Variants in TMEM131 observed in about 807,000 individuals in gnomAD.
The protein encoded by TMEM131 is transmembrane protein 131.
TMEM131 carries 66 observed loss-of-function variants against 211.6 expected under a neutral mutation model. The observed-to-expected ratio is 0.31, with a 90% CI of 0.26 to 0.38. TMEM131 has a LOEUF of 0.38. Among genes scored for constraint, TMEM131 ranks in the 10% least tolerant of loss-of-function variants. The probability of loss-of-function intolerance (pLI) is 1.00; values close to 1 mark genes in which losing one functional copy is unlikely to be tolerated. For missense variants in TMEM131, 2,036 were observed against 2,299.3 expected, an observed-to-expected ratio of 0.89 and a Z score of 2.34; for synonymous variants, 844 against 841.3, an observed-to-expected ratio of 1.00 and a Z score of -0.06.
At chr2:97,979,913 G>A (rs1444540341) in intron 1 of TMEM131, among the ~76,000 whole-genome samples, 1 of 152,128 alleles carries the variant, frequency 6.6e-6, no homozygotes, top group Non-Finnish European at 1.5e-5. Context: ...ATCATATCTA[G>A]CTTTTGATTT....
At chr2:97,793,131 C>G in intron 30 of TMEM131, 147 bp from the exon 31 acceptor site, 1 of 683,336 alleles carries the variant, frequency 1.5e-6, no homozygotes, top group Non-Finnish European at 2.4e-6. Flanking sequence ...TTCTACAACT[C>G]TCTAACATCT....
At chr2:97,940,860 G>C (rs1156286921) in intron 1 of TMEM131, among the ~76,000 whole-genome samples, 8 of 151,554 alleles carry the variant, frequency 5.3e-5, no homozygotes, top group East Asian at 1.9e-4. Context: ...CATGCTCATG[G>C]ATAGGAAGAA....
In TMEM131 at chr2:97,807,421, T is replaced by TTTA. The variant is rs1681358064; in HGVS notation, c.2056-1719_2056-1718insTAA. 2.0e-5 allele frequency among the ~76,000 whole-genome samples: 3 copies of TTTA among 152,238 alleles called. No individual in the cohort carries two copies. In the South Asian group the frequency reaches 6.2e-4, roughly 32 times the overall value. On this transcript the variant is annotated intron_variant, in intron 19 of 40. Coordinates refer to ENST00000186436, the MANE Select transcript of TMEM131 (RefSeq NM_015348.2). ...ATTAGTTCACACAACCACTGGTTGT[T>TTTA]AAAAAAGAGCCTGGCACCTCCCTCT...
intron 1 of TMEM131, among the ~76,000 whole-genome samples, chr2:97,939,516 A>G (rs1426319708): frequency 6.6e-6 from 1 of 152,240 alleles, no homozygotes; most frequent in African/African-American, 2.4e-5. Flanking sequence ...CAGGCTCTGA[A>G]ACTGAGGCAA....
intron 35 of TMEM131, among the ~76,000 whole-genome samples, chr2:97,765,531 C>G (rs1679117797): frequency 6.6e-6 from 1 of 152,164 alleles, no homozygotes; most frequent in Non-Finnish European, 1.5e-5. Context: ...TCTCTGTTGC[C>G]CCCTATTTCA....
At chr2:97,896,861 C>G (rs867871742) in intron 3 of TMEM131, among the ~76,000 whole-genome samples, 1 of 151,938 alleles carries the variant, frequency 6.6e-6, no homozygotes, top group Non-Finnish European at 1.5e-5. Flanking sequence ...AGCAGCTTAT[C>G]AATTTCTAAA....
chr2:97,767,738 G>C (rs1321823928), intron 33 of TMEM131, among the ~76,000 whole-genome samples: 2 of 152,160 alleles, frequency 1.3e-5, no homozygotes, highest in African/African-American at 4.8e-5. Context: ...ACATTTCAGT[G>C]TGCTTTCTGC....
At chr2:97,759,513 G>A in intron 39 of TMEM131, 139 bp downstream of exon 39, 2 of 704,034 alleles carry the variant, frequency 2.8e-6, no homozygotes, top group East Asian at 2.7e-5. Context: ...AGAGGGGAGG[G>A]GACCCTTCCC....
chr2:97,806,863 G>A (rs1192576701), intron 19 of TMEM131, among the ~76,000 whole-genome samples: 1 of 152,060 alleles, frequency 6.6e-6, no homozygotes, highest in African/African-American at 2.4e-5. Flanking sequence ...TGAGGCCAGC[G>A]CTCCTCATTT....
intron 3 of TMEM131, among the ~76,000 whole-genome samples, chr2:97,902,727 T>G (rs1012359596): frequency 2.0e-5 from 3 of 152,126 alleles, no homozygotes; most frequent in African/African-American, 7.2e-5. Flanking sequence ...AAAAAGAGAT[T>G]AACATCTGAG....
rs1332655677 is a variant in TMEM131 at position 97,812,687 on chromosome 2, T to C, written c.1680A>G (p.Thr560=). The C allele has an allele frequency of 6.9e-6, 11 of 1,602,612 alleles. No individual in the cohort carries two copies. Among genetic ancestry groups the C allele is most frequent in the Non-Finnish European group, 9.3e-6 (11 of 1,176,778 alleles). Residue 560 remains threonine, a synonymous_variant, in exon 16 of 41, where the codon ACA becomes ACG. Transcript: ENST00000186436. ...TTGCAAATAAAATATTACTTGCTTC[T>C]GTAGCACTCAGTACTCCAAAATCTA... ...RFIDFGVLSA[T]EASNILFAII... is the part of the protein sequence containing the mutation.
At chr2:97,977,333 T>A (rs1191197611) in intron 1 of TMEM131, among the ~76,000 whole-genome samples, 1 of 152,126 alleles carries the variant, frequency 6.6e-6, no homozygotes, top group Non-Finnish European at 1.5e-5. Context: ...AATAGCCTAA[T>A]AAAACATGGG....
intron 4 of TMEM131, 62 bp from the exon 5 acceptor site, chr2:97,859,489 G>T: frequency 7.3e-7 from 1 of 1,375,402 alleles, no homozygotes; most frequent in Non-Finnish European, 9.6e-7. Context: ...ATTTCTAGTT[G>T]TTAAAAAATT....
chr2:97,995,786 C>T lies in TMEM131; in HGVS notation c.-124G>A, dbSNP rs977759311. On this transcript the variant is annotated 5_prime_UTR_variant, in exon 1 of 41. Transcript: ENST00000186436. ...GCCGGGAGCGACAACGGTTGCGAGC[C>T]CGGGGCTCGATCTCCGAGCGTGGGC... is the stretch of plus-strand genomic sequence containing the variant. 6.1e-6 allele frequency: 4 copies of T among 661,066 alleles called. No homozygotes were observed. The highest frequency in any genetic ancestry group is 1.9e-5 in the African/African-American group (1 of 51,878). 41.0% of individuals were successfully genotyped at this position (661,066 alleles called of 1,614,324 possible).
intron 1 of TMEM131, among the ~76,000 whole-genome samples, chr2:97,974,303 GA>G: frequency 6.6e-6 from 1 of 152,030 alleles, no homozygotes; most frequent in Non-Finnish European, 1.5e-5. Context: ...GAACACGCAG[GA>G]AAAGATCTAA....
At chr2:97,913,976 G>T (rs1368763766) in intron 2 of TMEM131, among the ~76,000 whole-genome samples, 2 of 152,082 alleles carry the variant, frequency 1.3e-5, no homozygotes, top group Non-Finnish European at 2.9e-5. Context: ...CTTCCTCCAG[G>T]ACTGGGTTGG....
intron 32 of TMEM131, among the ~76,000 whole-genome samples, chr2:97,773,323 G>A (rs1679555702): frequency 6.6e-6 from 1 of 152,178 alleles, no homozygotes; most frequent in Non-Finnish European, 1.5e-5. Context: ...TACCAAGAGG[G>A]CCCAGTTTCT....
chr2:97,800,501 G>A (rs1680976553), intron 25 of TMEM131, among the ~76,000 whole-genome samples: 2 of 151,800 alleles, frequency 1.3e-5, no homozygotes, highest in Admixed American at 6.6e-5. Context: ...TGTAATCCCA[G>A]TACTTTAGGA....
At chr2:97,926,112 CAA>C (rs879920203) in intron 2 of TMEM131, among the ~76,000 whole-genome samples, 48 of 88,692 alleles carry the variant, frequency 5.4e-4, no homozygotes, top group Middle Eastern at 6.9e-3. Flanking sequence ...GACCCTGTCT[CAA>C]AAAAAAAAAA....
Sources: allele counts gnomAD v4.1 joint callset (sites outside exome capture counted in the v4.1 genomes callset), GRCh38; gene constraint gnomAD v4.1.1; transcripts MANE v1.5; gene names NCBI Gene and HGNC (gene_info 2026-07-23, HGNC 2026-07-21).